IQSEC3: variants seen among roughly 807,000 people sequenced by gnomAD.
IQSEC3 encodes the protein IQ motif and Sec7 domain ArfGEF 3.
Under a neutral mutation model 105.4 loss-of-function variants are expected in IQSEC3, and 50 were observed. That is an observed-to-expected ratio of 0.47 (90% CI 0.38 to 0.60). The LOEUF (loss-of-function observed/expected upper bound fraction) is 0.60, where lower values mean the gene tolerates loss of function less well. Ranked by LOEUF, IQSEC3 falls within the 20% of genes least tolerant of loss-of-function variation. IQSEC3 has a pLI of 0.00. For missense variants in IQSEC3, 1,415 were observed against 1,630.0 expected (o/e 0.87, Z 2.27); for synonymous variants, 708 against 746.0 (o/e 0.95, Z 0.83).
chr12:113,005 C>T (rs1329831489), intron 2 of IQSEC3, among the ~76,000 whole-genome samples: 2 of 152,180 alleles, frequency 1.3e-5, no homozygotes, highest in South Asian at 4.2e-4. Context: ...TGCAGAGGAT[C>T]GCCTCTCATT....
At position 126,401 on chromosome 12, in the gene IQSEC3, C is replaced by T. The variant is rs539921440; in HGVS notation, c.903+489C>T. Among the ~76,000 whole-genome samples, 13 of 152,364 alleles carry T rather than the reference C, an allele frequency of 8.5e-5. No homozygotes were observed. The South Asian group carries it at 1.7e-3, about 19-fold the overall frequency. ...CAGACTGGGGGAGTCCAAAGCTCCT[C>T]TATTGGAGAACAGATTCCATGGAGG... is the stretch of plus-strand genomic sequence containing the variant. On this transcript the variant is annotated intron_variant, in intron 3 of 13. Transcript: ENST00000538872.
chr12:177,731 T>A lies in IQSEC3; in HGVS notation c.*2698T>A, dbSNP rs1818234458. On this transcript the variant is annotated 3_prime_UTR_variant, in exon 14 of 14. Coordinates refer to ENST00000538872, the MANE Select transcript of IQSEC3 (RefSeq NM_001170738.2). The surrounding 1 kb of genome is among the most constrained non-coding windows in gnomAD (Gnocchi z 5.3). Reference sequence around the variant, plus strand: ...CCCTGCTCAGTCCCCAGGCCAAGGTTGGGACCCCTCTCCATCCCTGTCCCC... The same window carrying A: ...CCCTGCTCAGTCCCCAGGCCAAGGTAGGGACCCCTCTCCATCCCTGTCCCC... 1 of 152,412 alleles carries A rather than the reference T, an allele frequency of 6.6e-6. No homozygotes were observed. Among genetic ancestry groups the A allele is most frequent in the African/African-American group, 2.4e-5 (1 of 41,416 alleles). 9.4% of individuals were successfully genotyped at this position (152,412 alleles called of 1,614,324 possible).
intron 11 of IQSEC3, among the ~76,000 whole-genome samples, chr12:168,717 TCAGGACCAGGACCCAAACC>T (rs1938807908): frequency 1.3e-5 from 2 of 151,962 alleles, no homozygotes; most frequent in Non-Finnish European, 2.9e-5. Flanking sequence ...CCAGGGAGTG[TCAGGACCAGGACCCAAACC>T]CAGGCAGTTC....
At chr12:88,467 G>A (rs1465511695) in intron 1 of IQSEC3, among the ~76,000 whole-genome samples, 2 of 152,208 alleles carry the variant, frequency 1.3e-5, no homozygotes, top group Non-Finnish European at 2.9e-5. Context: ...CAGAGGCATG[G>A]ACTAGAAGAA....
At chr12:124,896 T>A (rs553165081) in intron 2 of IQSEC3, among the ~76,000 whole-genome samples, 53 of 152,328 alleles carry the variant, frequency 3.5e-4, no homozygotes, top group African/African-American at 1.0e-3. Flanking sequence ...TGGCTCAGCC[T>A]GCTGTGGCTC....
At chr12:158,181 T>TC (rs1250001852) in intron 7 of IQSEC3, among the ~76,000 whole-genome samples, 2 of 152,102 alleles carry the variant, frequency 1.3e-5, no homozygotes, top group Non-Finnish European at 2.9e-5. Context: ...ATTGTTTTTT[T>TC]TTTTTTACCC....
At chr12:159,378 A>G (rs1441055164) in intron 7 of IQSEC3, among the ~76,000 whole-genome samples, 1 of 152,144 alleles carries the variant, frequency 6.6e-6, no homozygotes, top group African/African-American at 2.4e-5. Context: ...TGCTCTCATG[A>G]CAGATTCCTG....
At chr12:69,979 T>G (rs1200167536) in intron 1 of IQSEC3, among the ~76,000 whole-genome samples, 1 of 152,272 alleles carries the variant, frequency 6.6e-6, no homozygotes, top group Admixed American at 6.5e-5. Context: ...TCCCTGGTAT[T>G]GCTCCTGGGG....
chr12:169,612 G>A (rs1467466447), intron 12 of IQSEC3, among the ~76,000 whole-genome samples: 1 of 152,122 alleles, frequency 6.6e-6, no homozygotes, highest in Non-Finnish European at 1.5e-5. Context: ...CAAATCCAGA[G>A]AGACCCTCAA....
At chr12:71,503 T>C (rs1565373724) in intron 1 of IQSEC3, among the ~76,000 whole-genome samples, 1 of 152,372 alleles carries the variant, frequency 6.6e-6, no homozygotes, top group East Asian at 1.9e-4. Flanking sequence ...GTATACAAAT[T>C]ATGTTAACAG....
intron 4 of IQSEC3, 87 bp downstream of exon 4, chr12:139,441 G>A: frequency 1.7e-6 from 2 of 1,184,746 alleles, no homozygotes; most frequent in Middle Eastern, 2.2e-4. Flanking sequence ...ACCAAGCAGG[G>A]CGCCAGGTAA....
chr12:102,863 A>AAAGCCCTGC (rs1864474722), intron 2 of IQSEC3, among the ~76,000 whole-genome samples: 1 of 152,220 alleles, frequency 6.6e-6, no homozygotes, highest in Non-Finnish European at 1.5e-5. Context: ...CAAAGCCCTG[A>AAAGCCCTGC]AAGCCCTGCG....
chr12:109,097 C>T lies in IQSEC3; in HGVS notation c.623+9883C>T, dbSNP rs1273681838. Among the ~76,000 whole-genome samples the T allele has an allele frequency of 2.0e-5, 3 of 152,364 alleles. No individual in the cohort carries two copies. The East Asian group carries it at 5.8e-4, about 29-fold the overall frequency. ...TTCTCCCCAGCACGCGCTCTCTCTA[C>T]TTCAGGGATTGCAAACTGGCATTTT... On this transcript the variant is annotated intron_variant, in intron 2 of 13. Coordinates refer to ENST00000538872, the MANE Select transcript of IQSEC3 (RefSeq NM_001170738.2).
intron 2 of IQSEC3, among the ~76,000 whole-genome samples, chr12:113,892 A>C (rs1555080089): frequency 6.6e-6 from 1 of 152,236 alleles, no homozygotes. Flanking sequence ...TCCCTGGACT[A>C]GAAGATAAAT....
chr12:174,395 C>T (rs1255228942), intron 13 of IQSEC3, among the ~76,000 whole-genome samples: 3 of 152,140 alleles, frequency 2.0e-5, no homozygotes, highest in East Asian at 1.9e-4. Context: ...AGTGGCAGAA[C>T]ATGCCAGCCT....
intron 8 of IQSEC3, among the ~76,000 whole-genome samples, 198 bp downstream of exon 8, chr12:162,263 C>T (rs1866927449): frequency 6.6e-6 from 1 of 152,010 alleles, no homozygotes; most frequent in African/African-American, 2.4e-5. Flanking sequence ...CTCTTGCCAC[C>T]CGATACTGCA....
At chr12:120,144 A>G (rs1252755389) in intron 2 of IQSEC3, among the ~76,000 whole-genome samples, 1 of 152,230 alleles carries the variant, frequency 6.6e-6, no homozygotes, top group African/African-American at 2.4e-5. Flanking sequence ...GTGAATAATT[A>G]AAGCACAAAG....
Position 176,560 on chromosome 12 carries a change from C to T in IQSEC3, c.*1527C>T, listed in dbSNP as rs141391156. The stretch of plus-strand genomic sequence containing the variant: ...CCCCGCCCCGCCTGCAGTAGCCGGG[C>T]CAGGTAGGAGGCAAGGATCATTCCC... On this transcript the variant is annotated 3_prime_UTR_variant, in exon 14 of 14. Coordinates refer to ENST00000538872, the MANE Select transcript of IQSEC3 (RefSeq NM_001170738.2). The surrounding 1 kb of genome is among the most constrained non-coding windows in gnomAD (Gnocchi z 4.0). 6.6e-6 allele frequency: 1 copy of T among 152,358 alleles called. No individual in the cohort carries two copies. The highest frequency in any genetic ancestry group is 1.5e-5 in the Non-Finnish European group (1 of 68,060). 9.4% of individuals were successfully genotyped at this position (152,358 alleles called of 1,614,324 possible). A position where few individuals can be genotyped will look rare whatever the true frequency, so the allele number is the denominator to read the frequency against.
intron 5 of IQSEC3, among the ~76,000 whole-genome samples, chr12:153,649 G>C (rs782565659): frequency 3.3e-5 from 5 of 152,164 alleles, no homozygotes; most frequent in Non-Finnish European, 7.4e-5. Context: ...TGCAGTGAGG[G>C]GAGGAAGGCA....
Sources: allele counts gnomAD v4.1 joint callset (sites outside exome capture counted in the v4.1 genomes callset), GRCh38; gene constraint gnomAD v4.1.1; non-coding constraint Gnocchi (gnomAD v3.1); transcripts MANE v1.5; gene names NCBI Gene and HGNC (gene_info 2026-07-23, HGNC 2026-07-21).